The following CTTNBP2 variants were observed in gnomAD, a reference collection of about 807,000 sequenced individuals.
The protein encoded by CTTNBP2 is cortactin binding protein 2.
Under a neutral mutation model 156.9 loss-of-function variants are expected in CTTNBP2, and 108 were observed. The observed-to-expected ratio is 0.69, with a 90% confidence interval of 0.59 to 0.81. The LOEUF is 0.81. Ranked by LOEUF, CTTNBP2 falls within the 30% of genes least tolerant of loss-of-function variation. CTTNBP2 has a pLI of 0.00. For synonymous variants in CTTNBP2, 767 were observed against 751.8 expected (o/e 1.02, Z -0.33); for missense variants, 1,924 against 2,035.4 (o/e 0.95, Z 1.05).
At chr7:117,738,225 G>A (rs1006681106) in intron 14 of CTTNBP2, among the ~76,000 whole-genome samples, 1 of 152,214 alleles carries the variant, frequency 6.6e-6, no homozygotes, top group African/African-American at 2.4e-5. Flanking sequence ...GCTCCCTAGT[G>A]ATTGGAATGT....
At chr7:117,800,093 A>G (rs1238822976) in intron 3 of CTTNBP2, among the ~76,000 whole-genome samples, 4 of 152,128 alleles carry the variant, frequency 2.6e-5, no homozygotes, top group African/African-American at 4.8e-5. Flanking sequence ...TATAGATTCA[A>G]TGAAATTTTG....
chr7:117,765,198 A>C (rs1346580378), intron 9 of CTTNBP2, among the ~76,000 whole-genome samples: 2 of 152,164 alleles, frequency 1.3e-5, no homozygotes, highest in African/African-American at 4.8e-5. Flanking sequence ...AGCCTCCCAA[A>C]GTGCTGGGAT....
chr7:117,793,382 A>G (rs1399476449), intron 3 of CTTNBP2: 2 of 152,256 alleles, frequency 1.3e-5, no homozygotes, highest in Non-Finnish European at 2.9e-5. Flanking sequence ...TATTAGAACT[A>G]CATTTGGTGT....
intron 8 of CTTNBP2, among the ~76,000 whole-genome samples, chr7:117,771,395 AG>A (rs1364114568): frequency 6.6e-6 from 1 of 152,202 alleles, no homozygotes; most frequent in Non-Finnish European, 1.5e-5. Context: ...GCTGCTTTAC[AG>A]GGCTGGGGAG....
intron 8 of CTTNBP2, among the ~76,000 whole-genome samples, chr7:117,773,015 AAATT>A (rs1457305746): frequency 7.2e-5 from 11 of 152,350 alleles, no homozygotes; most frequent in African/African-American, 2.6e-4. Flanking sequence ...TTTTTTAAAA[AAATT>A]AATAGAAAAA....
chr7:117,847,686 A>G (rs1310226584), intron 2 of CTTNBP2, among the ~76,000 whole-genome samples: 1 of 152,226 alleles, frequency 6.6e-6, no homozygotes, highest in Non-Finnish European at 1.5e-5. Context: ...TGTTATGAGC[A>G]GTCATCATAC....
In CTTNBP2 at chr7:117,711,779, C is replaced by T. The variant is rs1794069807; in HGVS notation, c.4750G>A (p.Val1584Ile). Residue 1584 changes from valine (V) to isoleucine (I), a missense_variant, in exon 23 of 23, where the codon GTC becomes ATC. Coordinates refer to ENST00000160373, the MANE Select transcript of CTTNBP2 (RefSeq NM_033427.3). ...NLRMPVSQKE[V>I]SPLSSHQTTE... is the part of the protein sequence containing the mutation. Reference sequence around the variant, plus strand: ...GTTTGATGGCTGCTGAGAGGACTGACCTCCTGTAAGAGACAAGAAACCACA... The same window carrying T: ...GTTTGATGGCTGCTGAGAGGACTGATCTCCTGTAAGAGACAAGAAACCACA... The T allele has an allele frequency of 6.8e-6, 11 of 1,610,466 alleles. No homozygotes were observed. Among genetic ancestry groups the T allele is most frequent in the Non-Finnish European group, 9.3e-6 (11 of 1,177,726 alleles).
chr7:117,751,802 A>G (rs1796632604), intron 12 of CTTNBP2, among the ~76,000 whole-genome samples: 1 of 152,162 alleles, frequency 6.6e-6, no homozygotes, highest in Admixed American at 6.5e-5. Context: ...AAACTATAAG[A>G]TGGAACTTTT....
chr7:117,822,955 T>A (rs929428807), intron 2 of CTTNBP2, among the ~76,000 whole-genome samples: 3 of 152,180 alleles, frequency 2.0e-5, no homozygotes, highest in African/African-American at 7.2e-5. Flanking sequence ...GATTATGAAA[T>A]TGTCTATTTG....
chr7:117,810,563 C>T (rs1406350621), intron 3 of CTTNBP2, among the ~76,000 whole-genome samples: 4 of 152,134 alleles, frequency 2.6e-5, no homozygotes, highest in South Asian at 2.1e-4. Flanking sequence ...TGTTATACTT[C>T]CTTTATGGTT....
intron 4 of CTTNBP2, among the ~76,000 whole-genome samples, chr7:117,790,262 C>T (rs1480671442): frequency 6.6e-6 from 1 of 152,198 alleles, no homozygotes; most frequent in Non-Finnish European, 1.5e-5. Context: ...GGAATCCAGT[C>T]TCTGCCATTT....
rs1562947751 is a variant in CTTNBP2 at position 117,718,103 on chromosome 7, T to C, written c.4661A>G (p.Asp1554Gly). ...SDISKIADSR[D>G]DLRMFDSSGN... ...AGAACTATCAAACATCCTTAAATCA[T>C]CCCTGGAATCAGCAATCTAGAAAAT... is the stretch of plus-strand genomic sequence containing the variant. The change falls in exon 22 of 23, where the codon GAT becomes GGT. Residue 1554 changes from aspartate (D) to glycine (G), a missense_variant. Coordinates refer to ENST00000160373, the MANE Select transcript of CTTNBP2 (RefSeq NM_033427.3). 1.9e-6 allele frequency: 3 copies of C among 1,611,342 alleles called. No homozygotes were observed. Among genetic ancestry groups the C allele is most frequent in the Admixed American group, 3.3e-5 (2 of 59,966 alleles).
intron 6 of CTTNBP2, among the ~76,000 whole-genome samples, chr7:117,782,553 A>G (rs1302329785): frequency 2.0e-5 from 3 of 152,206 alleles, no homozygotes; most frequent in African/African-American, 7.2e-5. Context: ...TGAAAAACAA[A>G]CTTCTCAACA....
chr7:117,787,425 C>T (rs1363354947), intron 4 of CTTNBP2, among the ~76,000 whole-genome samples: 2 of 152,050 alleles, frequency 1.3e-5, no homozygotes, highest in Non-Finnish European at 1.5e-5. Context: ...ATGTCATAGC[C>T]CAGATCATTC....
chr7:117,847,510 G>C (rs554864007), intron 2 of CTTNBP2, among the ~76,000 whole-genome samples: 7 of 152,272 alleles, frequency 4.6e-5, no homozygotes, highest in African/African-American at 1.7e-4. Context: ...ACTCCAGCCT[G>C]GGCAACAGAG....
intron 1 of CTTNBP2, among the ~76,000 whole-genome samples, chr7:117,867,802 T>C (rs73215992): frequency 6.6e-6 from 1 of 152,306 alleles, no homozygotes; most frequent in Non-Finnish European, 1.5e-5. Flanking sequence ...CTATTTGGTG[T>C]CAGCTCTCCA....
At chr7:117,853,359 A>G (rs17140455) in intron 2 of CTTNBP2, among the ~76,000 whole-genome samples, 2,272 of 152,310 alleles carry the variant, frequency 0.015, 66 homozygotes, top group African/African-American at 0.053. Context: ...CAAAGTTGAA[A>G]ATAATGCCAC....
At position 117,725,051 on chromosome 7, in the gene CTTNBP2, C is replaced by A. The variant is rs201366900; in HGVS notation, c.4261+1G>T. 1.2e-6 allele frequency: 2 copies of A among 1,612,092 alleles called. No individual in the cohort carries two copies. The highest frequency in any genetic ancestry group is 4.5e-5 in the East Asian group (2 of 44,882). ...TCTCCTCTCTGCAGAAACCCACATA[C>A]CTGCTCTGGGGAGGGGACAGCCATG... On this transcript the variant is annotated splice_donor_variant, in intron 18 of 22. Transcript: ENST00000160373. LOFTEE classifies it high-confidence loss of function.
chr7:117,808,089 G>GC (rs1327898088), intron 3 of CTTNBP2, among the ~76,000 whole-genome samples: 1 of 152,038 alleles, frequency 6.6e-6, no homozygotes, highest in Non-Finnish European at 1.5e-5. Flanking sequence ...GAAAAGAATT[G>GC]TTCCCCCTCT....
Sources: gnomAD v4.1 joint callset for allele counts (sites outside exome capture counted in the v4.1 genomes callset) on GRCh38, gnomAD v4.1.1 for gene constraint, MANE v1.5 for transcripts, NCBI Gene and HGNC (gene_info 2026-07-23, HGNC 2026-07-21) for gene names.